LRRC58: variants seen among roughly 807,000 people sequenced by gnomAD.
The protein encoded by LRRC58 is leucine rich repeat containing 58.
In LRRC58, 18 loss-of-function variants were observed where a neutral mutation model predicts 30.6. The ratio of observed to expected loss-of-function variants is 0.59; its 90% CI spans 0.41 to 0.87. The LOEUF is 0.87. LRRC58 is among the 40% of genes least tolerant of loss of function. The pLI, the probability that LRRC58 is intolerant of heterozygous loss-of-function variation, is 0.00. For synonymous variants in LRRC58, 221 were observed against 206.0 expected (o/e 1.07, Z -0.62); for missense variants, 420 against 468.4 (o/e 0.90, Z 0.95).
chr3:120,325,756 T>C lies in LRRC58; in HGVS notation c.*5444A>G, dbSNP rs570898711. The C allele has an allele frequency of 6.6e-6, 1 of 152,348 alleles. No homozygotes were observed. Among genetic ancestry groups the C allele is most frequent in the African/African-American group, 2.4e-5 (1 of 41,586 alleles). 9.4% of individuals were successfully genotyped at this position (152,348 alleles called of 1,614,324 possible). A position where few individuals can be genotyped will look rare whatever the true frequency, so the allele number is the denominator to read the frequency against. Reference sequence around the variant, plus strand: ...CTTACAATATCTTCATAAGATGCTATAAATATGAAGTTGGTTAGAAACTGC... The same window carrying C: ...CTTACAATATCTTCATAAGATGCTACAAATATGAAGTTGGTTAGAAACTGC... On this transcript the variant is annotated 3_prime_UTR_variant, in exon 4 of 4. Coordinates refer to ENST00000295628, the MANE Select transcript of LRRC58 (RefSeq NM_001099678.2).
chr3:120,343,833 C>T (rs1459678570), intron 1 of LRRC58, among the ~76,000 whole-genome samples: 1 of 152,052 alleles, frequency 6.6e-6, no homozygotes, highest in Non-Finnish European at 1.5e-5. Context: ...AGTTCGAGAC[C>T]AGCCTGGCCA....
intron 1 of LRRC58, among the ~76,000 whole-genome samples, chr3:120,344,633 G>C (rs745306000): frequency 2.6e-5 from 4 of 152,126 alleles, no homozygotes; most frequent in African/African-American, 4.8e-5. Flanking sequence ...AACAGAAAAA[G>C]GAAGGCATTA....
chr3:120,331,286 G>A lies in LRRC58; in HGVS notation c.1030C>T (p.His344Tyr). Reference sequence around the variant, plus strand: ...GATTCACTCTGGGAAGTGGAGCTGTGAGAGGCAGAACTGCAAGGGGAAGAA... The same window carrying A: ...GATTCACTCTGGGAAGTGGAGCTGTAAGAGGCAGAACTGCAAGGGGAAGAA... ...ECSSPCSSAS[H>Y]SSTSQSESDS... Residue 344 changes from histidine to tyrosine, a missense_variant, in exon 4 of 4, where the codon CAC (histidine) becomes TAC (tyrosine). Coordinates refer to ENST00000295628, the MANE Select transcript of LRRC58 (RefSeq NM_001099678.2). 1 of 1,613,980 alleles carries A rather than the reference G, an allele frequency of 6.2e-7. No individual in the cohort carries two copies. Among genetic ancestry groups the A allele is most frequent in the Non-Finnish European group, 8.5e-7 (1 of 1,179,862 alleles).
rs1469988804 is a variant in LRRC58 at position 120,329,651 on chromosome 3, T to C, written c.*1549A>G. On this transcript the variant is annotated 3_prime_UTR_variant, in exon 4 of 4. Transcript: ENST00000295628. ...TATATGAAAAAAACCCTAATACATG[T>C]ATATGTTATTATACAACAATCTGCT... is the stretch of plus-strand genomic sequence containing the variant. 6.6e-6 allele frequency: 1 copy of C among 152,056 alleles called. No homozygotes were observed. The highest frequency in any genetic ancestry group is 2.4e-5 in the African/African-American group (1 of 41,450). 9.4% of individuals were successfully genotyped at this position (152,056 alleles called of 1,614,324 possible).
rs1935666559 is a variant in LRRC58, at chr3:120,325,834, A to G, written c.*5366T>C. 1 of 152,176 alleles carries G rather than the reference A, an allele frequency of 6.6e-6. No individual in the cohort carries two copies. The highest frequency in any genetic ancestry group is 2.4e-5 in the African/African-American group (1 of 41,444). 9.4% of individuals were successfully genotyped at this position (152,176 alleles called of 1,614,324 possible). Reference sequence around the variant, plus strand: ...TTTTTTAAATAATATATAACAGAACATATCTTTTCAGTGATTTTATTTCAG... The same window carrying G: ...TTTTTTAAATAATATATAACAGAACGTATCTTTTCAGTGATTTTATTTCAG... On this transcript the variant is annotated 3_prime_UTR_variant, in exon 4 of 4. Coordinates refer to ENST00000295628, the MANE Select transcript of LRRC58 (RefSeq NM_001099678.2).
intron 1 of LRRC58, among the ~76,000 whole-genome samples, chr3:120,344,789 G>A (rs553060772): frequency 1.3e-5 from 2 of 152,280 alleles, no homozygotes; most frequent in East Asian, 3.9e-4. Flanking sequence ...TGAGTGATAA[G>A]CTATTAAGCT....
chr3:120,329,615 A>G lies in LRRC58; in HGVS notation c.*1585T>C, dbSNP rs1407895559. On this transcript the variant is annotated 3_prime_UTR_variant, in exon 4 of 4. Coordinates refer to ENST00000295628, the MANE Select transcript of LRRC58 (RefSeq NM_001099678.2). The stretch of plus-strand genomic sequence containing the variant: ...CCTGAATTATGCTAGTTTCTTCTAA[A>G]ATAAAAAATATATATGAAAAAAACC... 6.6e-6 allele frequency: 1 copy of G among 151,944 alleles called. No individual in the cohort carries two copies. Among genetic ancestry groups the G allele is most frequent in the Non-Finnish European group, 1.5e-5 (1 of 67,932 alleles). 9.4% of individuals were successfully genotyped at this position (151,944 alleles called of 1,614,324 possible).
Position 120,348,977 on chromosome 3 carries a change from A to T in LRRC58, c.267T>A (p.Ala89=), listed in dbSNP as rs902360132. ...CCAGCAGCGTGCGCAGGCCGCGCAG[A>T]GCGAGCAGCTCCGGCCCGAGCGCGG... ...ALTALGPELL[A]LRGLRTLLAK... Residue 89 remains alanine, a synonymous_variant, in exon 1 of 4, where the codon GCT becomes GCA. Transcript: ENST00000295628. The T allele has an allele frequency of 6.5e-7, 1 of 1,536,486 alleles. No individual in the cohort carries two copies. Among genetic ancestry groups the T allele is most frequent in the Non-Finnish European group, 8.7e-7 (1 of 1,145,484 alleles).
chr3:120,333,957 TTAAA>T (rs889067786), intron 3 of LRRC58, among the ~76,000 whole-genome samples: 1 of 152,222 alleles, frequency 6.6e-6, no homozygotes, highest in African/African-American at 2.4e-5. Context: ...CCAGATCTAA[TTAAA>T]TATACTCTCC....
chr3:120,330,365 G>C lies in LRRC58; in HGVS notation c.*835C>G, dbSNP rs947030208. The C allele has an allele frequency of 6.6e-6, 1 of 152,108 alleles. No homozygotes were observed. Among genetic ancestry groups the C allele is most frequent in the Non-Finnish European group, 1.5e-5 (1 of 67,960 alleles). 9.4% of individuals were successfully genotyped at this position (152,108 alleles called of 1,614,324 possible). On this transcript the variant is annotated 3_prime_UTR_variant, in exon 4 of 4. Coordinates refer to ENST00000295628, the MANE Select transcript of LRRC58 (RefSeq NM_001099678.2). ...GCACATTTAAACAAAAAAATGTTAA[G>C]AGGGCCATGAGATCGGATATTAGAT...
At position 120,330,584 on chromosome 3, in the gene LRRC58, G is replaced by A. The variant is rs992301149; in HGVS notation, c.*616C>T. 4 of 152,210 alleles carry A rather than the reference G, an allele frequency of 2.6e-5. No homozygotes were observed. The highest frequency in any genetic ancestry group is 9.7e-5 in the African/African-American group (4 of 41,434). The allele number at this position is 152,210 out of a possible 1,614,324, so 9.4% of individuals were successfully genotyped here. On this transcript the variant is annotated 3_prime_UTR_variant, in exon 4 of 4. Transcript: ENST00000295628. ...TAGAACAAAGGATAATAATGAAAAA[G>A]TTTTAATATCTCATGTAAATGTTAT... is the stretch of plus-strand genomic sequence containing the variant.
Position 120,328,954 on chromosome 3 carries a change from CAGA to C in LRRC58, c.*2243_*2245del, listed in dbSNP as rs1936326152. 6.6e-6 allele frequency: 1 copy of C among 152,102 alleles called. No individual in the cohort carries two copies. Among genetic ancestry groups the C allele is most frequent in the African/African-American group, 2.4e-5 (1 of 41,418 alleles). 9.4% of individuals were successfully genotyped at this position (152,102 alleles called of 1,614,324 possible). A position where few individuals can be genotyped will look rare whatever the true frequency, so the allele number is the denominator to read the frequency against. The stretch of plus-strand genomic sequence containing the variant: ...CATCTATATTCTTATATGCAAAGGC[CAGA>C]AACTGTCTCTGGTTGGACCTATTTA... On this transcript the variant is annotated 3_prime_UTR_variant, in exon 4 of 4. Transcript: ENST00000295628.
chr3:120,335,985 T>C, intron 1 of LRRC58, 32 bp from the exon 2 acceptor site: 1 of 1,470,532 alleles, frequency 6.8e-7, no homozygotes, highest in Non-Finnish European at 9.3e-7. Flanking sequence ...ACCAAAAAAG[T>C]AAATAAAGTT....
chr3:120,342,218 G>A (rs1329564959), intron 1 of LRRC58, among the ~76,000 whole-genome samples: 1 of 152,172 alleles, frequency 6.6e-6, no homozygotes, highest in African/African-American at 2.4e-5. Flanking sequence ...GGACCAGGGT[G>A]GGCCTGAAGG....
chr3:120,332,690 C>T (rs9856670), intron 3 of LRRC58, among the ~76,000 whole-genome samples: 18,031 of 151,668 alleles, frequency 0.12, 1,154 homozygotes, highest in African/African-American at 0.16. Context: ...TAATAACTAA[C>T]GAATTTGAGG....
chr3:120,343,822 G>A (rs1380905121), intron 1 of LRRC58, among the ~76,000 whole-genome samples: 2 of 152,128 alleles, frequency 1.3e-5, no homozygotes, highest in Non-Finnish European at 2.9e-5. Flanking sequence ...TTGAGGTCAG[G>A]AGTTCGAGAC....
At chr3:120,344,745 GC>G in intron 1 of LRRC58, among the ~76,000 whole-genome samples, 2 of 152,284 alleles carry the variant, frequency 1.3e-5, no homozygotes, top group Middle Eastern at 6.8e-3. Flanking sequence ...CAATCCAGAA[GC>G]TTTTGTTTAC....
intron 3 of LRRC58, 59 bp downstream of exon 3, chr3:120,334,803 C>G: frequency 2.9e-5 from 41 of 1,412,494 alleles, no homozygotes; most frequent in Non-Finnish European, 3.7e-5. Context: ...TGAAAGAAGA[C>G]TTAATTAATT....
At chr3:120,338,132 G>A (rs112475222) in intron 1 of LRRC58, among the ~76,000 whole-genome samples, 43 of 152,144 alleles carry the variant, frequency 2.8e-4, no homozygotes, top group African/African-American at 9.4e-4. Context: ...CGTGAGCCAC[G>A]GTGCCTGGCC....
Sources: gnomAD v4.1 joint callset for allele counts (sites outside exome capture counted in the v4.1 genomes callset) on GRCh38, gnomAD v4.1.1 for gene constraint, MANE v1.5 for transcripts, NCBI Gene and HGNC (gene_info 2026-07-23, HGNC 2026-07-21) for gene names.